PDE10A: variants seen among roughly 807,000 people sequenced by gnomAD.
PDE10A encodes the protein phosphodiesterase 10A, also known as cAMP and cAMP-inhibited cGMP 3',5'-cyclic phosphodiesterase 10A.
PDE10A carries 39 observed loss-of-function variants against 97.7 expected under a neutral mutation model. The observed-to-expected ratio is 0.40, with a 90% CI of 0.31 to 0.52. The LOEUF is 0.52. Ranked by LOEUF, PDE10A falls within the 20% of genes least tolerant of loss-of-function variation. PDE10A has a pLI of 0.56. For synonymous variants in PDE10A, 371 were observed against 376.8 expected (o/e 0.98, Z 0.18); for missense variants, 731 against 1,047.8 (o/e 0.70, Z 4.17).
chr6:165,525,789 G>C (rs975299602), intron 2 of PDE10A, among the ~76,000 whole-genome samples: 1 of 152,110 alleles, frequency 6.6e-6, no homozygotes, highest in African/African-American at 2.4e-5. Flanking sequence ...GGACAGCAGA[G>C]ACAAAACAGC....
chr6:165,822,009 G>T (rs1214485748), intron 1 of PDE10A, among the ~76,000 whole-genome samples: 1 of 152,154 alleles, frequency 6.6e-6, no homozygotes, highest in Non-Finnish European at 1.5e-5. Flanking sequence ...CCTCAGAAAG[G>T]GCAACTTGAA....
chr6:165,888,172 T>G (rs2128481698), intron 1 of PDE10A, among the ~76,000 whole-genome samples: 2 of 152,328 alleles, frequency 1.3e-5, no homozygotes, highest in African/African-American at 4.8e-5. Flanking sequence ...TTGATCATCT[T>G]TGCTCACCCC....
rs566151163 is a variant in PDE10A at position 165,577,761 on chromosome 6, C to A, written c.866-34193G>T. Among the ~76,000 whole-genome samples, 5 of 152,310 alleles carry A rather than the reference C, an allele frequency of 3.3e-5. No individual in the cohort carries two copies. The South Asian group carries it at 1.0e-3, about 32-fold the overall frequency. On this transcript the variant is annotated intron_variant, in intron 1 of 21. Transcript: ENST00000539869. ...GCGAAGGTGGCACATGACGGGTGGG[C>A]ACAGGCACTTCTGATGACATCATGC...
intron 1 of PDE10A, among the ~76,000 whole-genome samples, chr6:165,906,129 A>C: frequency 1.1e-5 from 1 of 89,850 alleles, no homozygotes; most frequent in Non-Finnish European, 2.4e-5. Context: ...TCCCTTCCTT[A>C]TTTCCCCACA....
intron 1 of PDE10A, among the ~76,000 whole-genome samples, chr6:165,648,052 C>T (rs935939873): frequency 1.1e-4 from 16 of 152,144 alleles, no homozygotes; most frequent in African/African-American, 3.4e-4. Flanking sequence ...CTCGCTCTGT[C>T]GCCCAGGCTG....
At chr6:165,538,077 A>G (rs1783202090) in intron 2 of PDE10A, among the ~76,000 whole-genome samples, 1 of 152,068 alleles carries the variant, frequency 6.6e-6, no homozygotes, top group Non-Finnish European at 1.5e-5. Context: ...AAACCATACA[A>G]ATGCAATTTA....
intron 1 of PDE10A, among the ~76,000 whole-genome samples, chr6:165,611,782 A>G (rs906320050): frequency 2.6e-5 from 4 of 152,260 alleles, no homozygotes; most frequent in African/African-American, 2.4e-5. Context: ...GCATACAACC[A>G]TAAGTATAAT....
At chr6:165,831,452 T>C (rs561774359) in intron 1 of PDE10A, among the ~76,000 whole-genome samples, 4 of 148,424 alleles carry the variant, frequency 2.7e-5, no homozygotes, top group Non-Finnish European at 5.9e-5. Flanking sequence ...ATAATAACTT[T>C]CTGTATTCTG....
intron 1 of PDE10A, among the ~76,000 whole-genome samples, chr6:165,568,288 C>T (rs185615953): frequency 2.0e-4 from 30 of 152,190 alleles, no homozygotes; most frequent in Middle Eastern, 3.4e-3. Flanking sequence ...CGTGAGCCAC[C>T]GCATCCGGCC....
intron 1 of PDE10A, among the ~76,000 whole-genome samples, chr6:165,708,258 T>C (rs1031738199): frequency 6.6e-6 from 1 of 152,084 alleles, no homozygotes; most frequent in African/African-American, 2.4e-5. Context: ...TCACAGCTGC[T>C]CACTGACTCC....
chr6:165,481,278 C>G (rs1779592488), intron 3 of PDE10A, among the ~76,000 whole-genome samples: 1 of 152,152 alleles, frequency 6.6e-6, no homozygotes, highest in Non-Finnish European at 1.5e-5. Context: ...GACCAAGGAA[C>G]TCTTCAATTG....
At chr6:165,371,443 C>T (rs1270839304) in intron 18 of PDE10A, among the ~76,000 whole-genome samples, 1 of 151,986 alleles carries the variant, frequency 6.6e-6, no homozygotes, top group African/African-American at 2.4e-5. Flanking sequence ...GAGAATACTA[C>T]AAACACCTCT....
chr6:165,971,385 C>T (rs940648939), intron 1 of PDE10A, among the ~76,000 whole-genome samples: 3 of 152,176 alleles, frequency 2.0e-5, no homozygotes, highest in Non-Finnish European at 4.4e-5. Context: ...CTCTGCAACA[C>T]ACTGGACGAC....
At chr6:165,987,966 T>C (rs1402370725), upstream of PDE10A, 2 of 384,830 alleles carry the variant, frequency 5.2e-6, no homozygotes, top group Admixed American at 6.0e-5. Flanking sequence ...TGAGTGCTTG[T>C]GTGTGCGTGC....
chr6:165,534,796 C>T (rs1782982019), intron 2 of PDE10A, among the ~76,000 whole-genome samples: 5 of 151,786 alleles, frequency 3.3e-5, no homozygotes, highest in Admixed American at 2.6e-4. Flanking sequence ...AGAAACATAC[C>T]TCAAAACAAT....
At chr6:165,724,952 G>A (rs1792256198) in intron 1 of PDE10A, among the ~76,000 whole-genome samples, 1 of 152,170 alleles carries the variant, frequency 6.6e-6, no homozygotes, top group Non-Finnish European at 1.5e-5. Flanking sequence ...AGAAAGGCAG[G>A]GTCCCTGGCA....
chr6:165,738,641 T>G (rs895432052), intron 1 of PDE10A, among the ~76,000 whole-genome samples: 65 of 151,702 alleles, frequency 4.3e-4, no homozygotes, highest in African/African-American at 1.4e-3. Flanking sequence ...AGTGTAAAAG[T>G]GTTCCTATTT....
intron 1 of PDE10A, among the ~76,000 whole-genome samples, chr6:165,825,219 G>A (rs1428476973): frequency 4.0e-5 from 6 of 151,744 alleles, no homozygotes; most frequent in Non-Finnish European, 8.8e-5. Context: ...GTGAGCTCCC[G>A]TTCCTGATGT....
intron 1 of PDE10A, among the ~76,000 whole-genome samples, chr6:165,614,698 A>G (rs1387172402): frequency 3.9e-5 from 6 of 152,176 alleles, no homozygotes; most frequent in African/African-American, 1.2e-4. Context: ...CATCTAGCAG[A>G]GTTCTTGGCA....
Sources: gnomAD v4.1 joint callset for allele counts (sites outside exome capture counted in the v4.1 genomes callset) on GRCh38, gnomAD v4.1.1 for gene constraint, MANE v1.5 for transcripts, NCBI Gene and HGNC (gene_info 2026-07-23, HGNC 2026-07-21) for gene names.